The following TERB1 variants were observed in gnomAD, a reference collection of about 807,000 sequenced individuals.
The protein encoded by TERB1 is telomere repeat binding bouquet formation protein 1.
In TERB1, 63 loss-of-function variants were observed where a neutral mutation model predicts 92.3. That is an observed-to-expected ratio of 0.68 (90% CI 0.56 to 0.84). TERB1 has a LOEUF of 0.84. TERB1 is among the 40% of genes least tolerant of loss of function. The pLI, the probability that TERB1 is intolerant of heterozygous loss-of-function variation, is 0.00. For synonymous variants in TERB1, 252 were observed against 283.9 expected, an observed-to-expected ratio of 0.89 and a Z score of 1.13; for missense variants, 709 against 843.7, an observed-to-expected ratio of 0.84 and a Z score of 1.98.
At chr16:66,776,647 G>A (rs1301010381) in intron 11 of TERB1, among the ~76,000 whole-genome samples, 4 of 151,744 alleles carry the variant, frequency 2.6e-5, no homozygotes, top group Non-Finnish European at 5.9e-5. Flanking sequence ...GGGGTAGAGA[G>A]GAAAGTGGAG....
intron 6 of TERB1, among the ~76,000 whole-genome samples, chr16:66,787,880 G>A (rs1188227431): frequency 6.6e-6 from 1 of 152,120 alleles, no homozygotes; most frequent in Non-Finnish European, 1.5e-5. Context: ...GGCCAACATG[G>A]TGCAACCCCT....
intron 6 of TERB1, 34 bp downstream of exon 6, chr16:66,788,135 G>C: frequency 7.4e-7 from 1 of 1,354,512 alleles, no homozygotes; most frequent in Non-Finnish European, 9.8e-7. Context: ...ATTGATTAAA[G>C]TGTTTTCAAA....
At chr16:66,797,623 C>CCACACACACACACACA (rs71145942) in intron 2 of TERB1, among the ~76,000 whole-genome samples, 46 of 140,952 alleles carry the variant, frequency 3.3e-4, no homozygotes, top group East Asian at 6.2e-4. Flanking sequence ...TAAAAACACA[C>CCACACACACACACACA]CACACACACA....
chr16:66,782,549 CAAA>C (rs1021881453), intron 9 of TERB1, among the ~76,000 whole-genome samples: 9 of 78,932 alleles, frequency 1.1e-4, no homozygotes, highest in Non-Finnish European at 7.8e-5. Flanking sequence ...AATTCTGTCT[CAAA>C]AAAAAAAAAA....
In TERB1 at chr16:66,759,261, T is replaced by C. The variant is rs1346512957; in HGVS notation, c.1810A>G (p.Ser604Gly). ...TGCAAGAGCTTGCTAAAGTTTCGGC[T>C]ATTCAGGGATTTTTCTACTGCTATG... is the stretch of plus-strand genomic sequence containing the variant. ...GCIAVEKSLNSRNFSKLLHSC... is the reference protein window; with the variant it reads ...GCIAVEKSLNGRNFSKLLHSC... The change falls in exon 17 of 19, where the codon AGC becomes GGC. Residue 604 changes from serine to glycine, a missense_variant. Ser to Gly is a moderately conservative substitution (Grantham distance 56). Transcript: ENST00000433154. 1.9e-6 allele frequency: 3 copies of C among 1,542,710 alleles called. No individual in the cohort carries two copies. Among genetic ancestry groups the C allele is most frequent in the East Asian group, 2.4e-5 (1 of 40,880 alleles).
intron 16 of TERB1, among the ~76,000 whole-genome samples, chr16:66,762,389 TTTG>T (rs1567465647): frequency 1.3e-5 from 2 of 152,256 alleles, no homozygotes; most frequent in East Asian, 3.9e-4. Flanking sequence ...TTTTTGTTTG[TTTG>T]TTTTTTTTCC....
In TERB1 at chr16:66,758,959, A is replaced by G. The variant is rs566415174; in HGVS notation, c.1931-121T>C. 20 of 949,132 alleles carry G rather than the reference A, an allele frequency of 2.1e-5. No homozygotes were observed. The South Asian group carries it at 3.0e-4, about 14-fold the overall frequency. The allele number at this position is 949,132 out of a possible 1,614,324, so 58.8% of individuals were successfully genotyped here. On this transcript the variant is annotated intron_variant, in intron 17 of 18. Transcript: ENST00000433154. ...GTGGGAATACTTAGATAGATTAGGA[A>G]GAATTTTTAAACCAACAGTCTAAGA... is the stretch of plus-strand genomic sequence containing the variant.
At chr16:66,799,919 G>A (rs1567482057) in intron 2 of TERB1, 1 of 152,182 alleles carries the variant, frequency 6.6e-6, no homozygotes, top group East Asian at 1.9e-4. Flanking sequence ...CAGGAAAAAA[G>A]GATTTTTTTC....
chr16:66,787,865 AG>A (rs1425772386), intron 6 of TERB1, among the ~76,000 whole-genome samples: 1 of 152,208 alleles, frequency 6.6e-6, no homozygotes, highest in East Asian at 1.9e-4. Context: ...ATTTGAGACC[AG>A]CCTGGCCAAC....
upstream of TERB1, among the ~76,000 whole-genome samples, chr16:66,801,853 G>T (rs989686374): frequency 7.9e-5 from 12 of 152,246 alleles, no homozygotes; most frequent in Non-Finnish European, 7.3e-5. Context: ...ACGAGGCCTG[G>T]CTATGGGACG....
Position 66,801,579 on chromosome 16 carries a change from A to G in TERB1, c.-221T>C, listed in dbSNP as rs1053846341. 6.6e-5 allele frequency: 10 copies of G among 152,196 alleles called. No individual in the cohort carries two copies. The highest frequency in any genetic ancestry group is 2.4e-4 in the African/African-American group (10 of 41,440). 9.4% of individuals were successfully genotyped at this position (152,196 alleles called of 1,614,324 possible). On this transcript the variant is annotated 5_prime_UTR_variant, in exon 1 of 19. Transcript: ENST00000433154. ...TCTTCATCACCGCTCACCTGCCACG[A>G]CGCACGACAGGGTTTCCCGCCCAGC...
At chr16:66,768,468 C>T (rs2145110932) in intron 14 of TERB1, among the ~76,000 whole-genome samples, 1 of 152,234 alleles carries the variant, frequency 6.6e-6, no homozygotes, top group Non-Finnish European at 1.5e-5. Context: ...AAGGAGAGAA[C>T]AAAATCAGTG....
chr16:66,761,266 A>C (rs1199099012), intron 16 of TERB1, among the ~76,000 whole-genome samples: 1 of 150,652 alleles, frequency 6.6e-6, no homozygotes, highest in African/African-American at 2.4e-5. Context: ...AGCCTGGCCA[A>C]CATGACAAAA....
At chr16:66,787,511 G>C (rs2018749431) in intron 6 of TERB1, among the ~76,000 whole-genome samples, 1 of 152,082 alleles carries the variant, frequency 6.6e-6, no homozygotes, top group African/African-American at 2.4e-5. Flanking sequence ...TGAGCAGTAA[G>C]TATATGGGAA....
intron 16 of TERB1, among the ~76,000 whole-genome samples, chr16:66,763,759 A>G (rs1168843899): frequency 1.3e-5 from 2 of 152,210 alleles, no homozygotes; most frequent in African/African-American, 4.8e-5. Flanking sequence ...CATTTTTTAA[A>G]AAAAGATAGA....
At chr16:66,775,589 G>A (rs577182343) in intron 11 of TERB1, among the ~76,000 whole-genome samples, 4 of 152,010 alleles carry the variant, frequency 2.6e-5, no homozygotes, top group South Asian at 2.1e-4. Flanking sequence ...AGCCGAGGTC[G>A]CACCATTGTA....
Position 66,772,694 on chromosome 16 carries a change from C to T in TERB1, c.1167G>A (p.Gln389=). 6.5e-7 allele frequency: 1 copy of T among 1,549,246 alleles called. No homozygotes were observed. The highest frequency in any genetic ancestry group is 8.7e-7 in the Non-Finnish European group (1 of 1,145,210). The change falls in exon 13 of 19, where the codon CAG becomes CAA. Residue 389 remains glutamine, a synonymous_variant. Transcript: ENST00000433154. ...CCTTCACACTTATGTCCTTTAATTG[C>T]TGTGTTTCATTTTCATCAAAAGGAT... The part of the protein sequence containing the change: ...GEYPFDENET[Q]QLKDISVKEN...
At chr16:66,757,476 T>C (rs919437423) in intron 18 of TERB1, among the ~76,000 whole-genome samples, 1 of 152,224 alleles carries the variant, frequency 6.6e-6, no homozygotes, top group African/African-American at 2.4e-5. Flanking sequence ...TCCAAGTGCA[T>C]GATGTTTCTA....
chr16:66,783,886 G>T (rs189468341), intron 9 of TERB1, among the ~76,000 whole-genome samples: 2 of 152,208 alleles, frequency 1.3e-5, no homozygotes, highest in East Asian at 3.9e-4. Flanking sequence ...ATGCGCCACC[G>T]TGCCCAGCTT....
Sources: allele counts gnomAD v4.1 joint callset (sites outside exome capture counted in the v4.1 genomes callset), GRCh38; gene constraint gnomAD v4.1.1; transcripts MANE v1.5; gene names NCBI Gene and HGNC (gene_info 2026-07-23, HGNC 2026-07-21).